The following RBM33 variants were observed in gnomAD, a reference collection of about 807,000 sequenced individuals.
RBM33 encodes RNA binding motif protein 33, also known as RNA-binding protein 33.
Under a neutral mutation model 132.6 loss-of-function variants are expected in RBM33, and 28 were observed. The observed-to-expected ratio is 0.21, with a 90% confidence interval of 0.16 to 0.29. RBM33 has a LOEUF of 0.29. RBM33 is among the 10% of genes least tolerant of loss of function. The probability of loss-of-function intolerance (pLI) is 1.00; values close to 1 mark genes in which losing one functional copy is unlikely to be tolerated. For missense variants in RBM33, 1,291 were observed against 1,518.5 expected (o/e 0.85, Z 2.49); for synonymous variants, 634 against 593.0 (o/e 1.07, Z -1.01).
chr7:155,737,531 G>T lies in RBM33; in HGVS notation c.1262G>T (p.Gly421Val). 1 of 1,593,404 alleles carries T rather than the reference G, an allele frequency of 6.3e-7. No homozygotes were observed. The highest frequency in any genetic ancestry group is 1.4e-5 in the African/African-American group (1 of 73,798). ...TCTGTTGTTGTTGTTGTTCTTTAGG[G>T]CCCTCCAGAATTTCCACAGCATACA... ...RPAVGPQRFP[G>V]PPEFPQHTPG... The change falls in exon 10 of 18, where the codon GGC becomes GTC. Residue 421 changes from glycine (G) to valine (V), a missense_variant and splice_region_variant. By Grantham distance (109) the Gly-to-Val change is moderately radical (BLOSUM62 -3). Coordinates refer to ENST00000401878, the MANE Select transcript of RBM33 (RefSeq NM_053043.3).
At chr7:155,753,767 C>T (rs1020298045) in intron 14 of RBM33, among the ~76,000 whole-genome samples, 2 of 152,120 alleles carry the variant, frequency 1.3e-5, no homozygotes, top group African/African-American at 2.4e-5. Flanking sequence ...AGGGGAGGAG[C>T]GTGGAGGCGC....
chr7:155,742,834 G>C (rs1801394318), intron 13 of RBM33, among the ~76,000 whole-genome samples: 1 of 152,190 alleles, frequency 6.6e-6, no homozygotes, highest in African/African-American at 2.4e-5. Context: ...CTCCTCATCT[G>C]GTAAAGGAGG....
intron 14 of RBM33, among the ~76,000 whole-genome samples, chr7:155,750,682 A>G (rs561497649): frequency 6.6e-6 from 1 of 152,282 alleles, no homozygotes; most frequent in South Asian, 2.1e-4. Flanking sequence ...GTATGTGATA[A>G]TAACTCAATA....
chr7:155,686,133 C>A (rs1247985584), intron 5 of RBM33, among the ~76,000 whole-genome samples: 1 of 152,156 alleles, frequency 6.6e-6, no homozygotes, highest in African/African-American at 2.4e-5. Flanking sequence ...CAGAATAATA[C>A]AAAGAACTCT....
At chr7:155,725,217 T>G in intron 9 of RBM33, among the ~76,000 whole-genome samples, 1 of 148,568 alleles carries the variant, frequency 6.7e-6, no homozygotes, top group African/African-American at 2.5e-5. Context: ...TTTTTTTTTT[T>G]TTTTTTTGAA....
At chr7:155,771,970 C>G (rs1802440611) in intron 16 of RBM33, among the ~76,000 whole-genome samples, 1 of 152,138 alleles carries the variant, frequency 6.6e-6, no homozygotes, top group Non-Finnish European at 1.5e-5. Context: ...AATCCAGATT[C>G]TATCTGTGAA....
intron 14 of RBM33, among the ~76,000 whole-genome samples, chr7:155,761,237 T>G (rs1802026734): frequency 6.6e-6 from 1 of 152,224 alleles, no homozygotes; most frequent in African/African-American, 2.4e-5. Flanking sequence ...GGATTTTTTT[T>G]CATGTATGTT....
At chr7:155,673,809 A>G (rs1799078002) in intron 3 of RBM33, among the ~76,000 whole-genome samples, 1 of 114,046 alleles carries the variant, frequency 8.8e-6, no homozygotes, top group South Asian at 3.2e-4. Context: ...CACCCCTACC[A>G]GTATATTTCG....
chr7:155,763,719 G>A (rs1007666124), intron 14 of RBM33, 93 bp from the exon 15 acceptor site: 17 of 1,173,830 alleles, frequency 1.4e-5, no homozygotes, highest in Non-Finnish European at 2.1e-5. Context: ...TGCTTTGTGG[G>A]TGAACACTGG....
chr7:155,718,949 ATT>A (rs1491311610), intron 9 of RBM33, among the ~76,000 whole-genome samples: 1 of 150,486 alleles, frequency 6.6e-6, no homozygotes, highest in Non-Finnish European at 1.5e-5. Context: ...GAAAGCATAT[ATT>A]CTCTCTCTCT....
chr7:155,755,072 T>C, intron 14 of RBM33, among the ~76,000 whole-genome samples: 1 of 152,280 alleles, frequency 6.6e-6, no homozygotes, highest in East Asian at 1.9e-4. Context: ...AATGTATTTA[T>C]ATTTAGAAAC....
rs377223744 is a variant in RBM33 at position 155,673,645 on chromosome 7, C to G, written c.171+730C>G. Among the ~76,000 whole-genome samples the G allele has an allele frequency of 1.1e-4, 3 of 27,892 alleles. 1 individual carries two copies. Among genetic ancestry groups the G allele is most frequent in the African/African-American group, 3.9e-4 (3 of 7,694 alleles). The allele number at this position is 27,892 out of a possible 152,430, so 18.3% of individuals were successfully genotyped here. A position where few individuals can be genotyped will look rare whatever the true frequency, so the allele number is the denominator to read the frequency against. On this transcript the variant is annotated intron_variant, in intron 3 of 17. Transcript: ENST00000401878. ...ATATATACACACATATACATACACA[C>G]GTGTATATATACACACATATACATA...
At chr7:155,741,577 G>C (rs192854398) in intron 12 of RBM33, among the ~76,000 whole-genome samples, 1 of 152,300 alleles carries the variant, frequency 6.6e-6, no homozygotes, top group African/African-American at 2.4e-5. Context: ...GAGCCTCTCT[G>C]TAGGCAAGTA....
rs557287218 is a variant in RBM33, at chr7:155,678,314, C to T, written c.172-294C>T. Among the ~76,000 whole-genome samples, 50 of 152,176 alleles carry T rather than the reference C, an allele frequency of 3.3e-4. No homozygotes were observed. In the Middle Eastern group the frequency reaches 0.014, roughly 41 times the overall value. On this transcript the variant is annotated intron_variant, in intron 3 of 17. Transcript: ENST00000401878. ...GTATTATAAGGAAATATTATTTGTTCGTAAGCTTCCACCAATGGACTTCTT... is the reference window on the plus strand; with the variant it reads ...GTATTATAAGGAAATATTATTTGTTTGTAAGCTTCCACCAATGGACTTCTT...
intron 10 of RBM33, among the ~76,000 whole-genome samples, 188 bp downstream of exon 10, chr7:155,737,850 G>A (rs575558637): frequency 3.3e-5 from 5 of 152,182 alleles, no homozygotes; most frequent in South Asian, 2.1e-4. Context: ...ATCTGAAATC[G>A]GAACATCTCA....
At chr7:155,650,671 C>G (rs2116865512) in intron 1 of RBM33, among the ~76,000 whole-genome samples, 1 of 152,266 alleles carries the variant, frequency 6.6e-6, no homozygotes, top group South Asian at 2.1e-4. Context: ...TGTGGAAGAA[C>G]TCTTTTCTCC....
At chr7:155,735,402 TA>T (rs1325030520) in intron 9 of RBM33, among the ~76,000 whole-genome samples, 1 of 152,210 alleles carries the variant, frequency 6.6e-6, no homozygotes, top group East Asian at 1.9e-4. Flanking sequence ...AAAGTAAAGA[TA>T]TTAAATATTC....
At chr7:155,689,080 C>T (rs1234549498) in intron 5 of RBM33, among the ~76,000 whole-genome samples, 4 of 152,092 alleles carry the variant, frequency 2.6e-5, no homozygotes, top group Non-Finnish European at 4.4e-5. Context: ...TGGTAGAATT[C>T]GGCTGTGAAT....
At chr7:155,743,617 A>G (rs1289330558) in intron 13 of RBM33, among the ~76,000 whole-genome samples, 2 of 152,120 alleles carry the variant, frequency 1.3e-5, no homozygotes, top group Non-Finnish European at 2.9e-5. Flanking sequence ...TAGAAGAAAG[A>G]TCTTCTATTT....
Sources: gnomAD v4.1 joint callset for allele counts (sites outside exome capture counted in the v4.1 genomes callset) on GRCh38, gnomAD v4.1.1 for gene constraint, MANE v1.5 for transcripts, NCBI Gene and HGNC (gene_info 2026-07-23, HGNC 2026-07-21) for gene names.